The following KDM5A variants were observed in gnomAD, a reference collection of about 807,000 sequenced individuals.
KDM5A encodes the protein lysine demethylase 5A, also known as lysine-specific demethylase 5A.
In KDM5A, 42 loss-of-function variants were observed where a neutral mutation model predicts 193.5. That is an observed-to-expected ratio of 0.22 (90% CI 0.17 to 0.28). The LOEUF (loss-of-function observed/expected upper bound fraction) is 0.28, where lower values mean the gene tolerates loss of function less well. Ranked by LOEUF, KDM5A falls within the 10% of genes least tolerant of loss-of-function variation. The probability of loss-of-function intolerance (pLI) is 1.00; values close to 1 mark genes in which losing one functional copy is unlikely to be tolerated. For missense variants in KDM5A, 1,692 were observed against 2,055.1 expected, an observed-to-expected ratio of 0.82 and a Z score of 3.42; for synonymous variants, 796 against 718.1, an observed-to-expected ratio of 1.11 and a Z score of -1.73.
chr12:323,836 A>C, intron 14 of KDM5A, 55 bp from the exon 15 acceptor site: 1 of 1,455,286 alleles, frequency 6.9e-7, no homozygotes, highest in Non-Finnish European at 9.7e-7. Context: ...AAAGCATCAA[A>C]AAACTTAAGT....
chr12:308,922 T>A (rs867256674), intron 22 of KDM5A, among the ~76,000 whole-genome samples: 53 of 152,330 alleles, frequency 3.5e-4, no homozygotes, highest in African/African-American at 1.1e-3. Flanking sequence ...TCTCATCAAC[T>A]ACAAATATTT....
At chr12:378,393 G>T (rs1944534257) in intron 3 of KDM5A, among the ~76,000 whole-genome samples, 3 of 152,070 alleles carry the variant, frequency 2.0e-5, no homozygotes, top group Admixed American at 2.0e-4. Flanking sequence ...AAGTGGCTGT[G>T]ACTACAGGCG....
At chr12:305,067 T>G (rs1943488425) in intron 24 of KDM5A, among the ~76,000 whole-genome samples, 1 of 152,176 alleles carries the variant, frequency 6.6e-6, no homozygotes, top group Non-Finnish European at 1.5e-5. Flanking sequence ...TATAAGCTAG[T>G]GTACCTTTCA....
intron 4 of KDM5A, among the ~76,000 whole-genome samples, chr12:363,595 C>G (rs1944317977): frequency 6.6e-6 from 1 of 152,102 alleles, no homozygotes; most frequent in Non-Finnish European, 1.5e-5. Flanking sequence ...AATAAACTTA[C>G]ATCTTCACCT....
Position 281,611 on chromosome 12 carries a change from C to T in KDM5A, c.*3845G>A, listed in dbSNP as rs549482998. The T allele has an allele frequency of 4.3e-6, 1 of 233,840 alleles. No homozygotes were observed. Among genetic ancestry groups the T allele is most frequent in the Non-Finnish European group, 8.4e-6 (1 of 118,444 alleles). The allele number at this position is 233,840 out of a possible 1,614,324, so 14.5% of individuals were successfully genotyped here. A position where few individuals can be genotyped will look rare whatever the true frequency, so the allele number is the denominator to read the frequency against. On this transcript the variant is annotated 3_prime_UTR_variant, in exon 28 of 28. Transcript: ENST00000399788. ...AGCAACCTTCTACACACATATGGAG[C>T]TAATTCACATGTGAAGCTTTATTAA... is the stretch of plus-strand genomic sequence containing the variant.
intron 1 of KDM5A, among the ~76,000 whole-genome samples, chr12:386,682 A>G (rs1451808685): frequency 6.6e-6 from 1 of 152,220 alleles, no homozygotes; most frequent in Non-Finnish European, 1.5e-5. Context: ...CCCTATCTCT[A>G]TAAAAGAAAA....
Position 352,212 on chromosome 12 carries a change from G to T in KDM5A, c.1142C>A (p.Pro381Gln). Residue 381 changes from proline (P) to glutamine (Q), a missense_variant, in exon 9 of 28, where the codon CCA becomes CAA. Physicochemically the swap from Pro to Gln is moderately conservative, Grantham distance 76 (BLOSUM62 -1). Coordinates refer to ENST00000399788, the MANE Select transcript of KDM5A (RefSeq NM_001042603.3). Reference sequence around the variant, plus strand: ...AAAAGATAGCTTACTCACATGGACTGGCATATTAAAATAATCAGACTTAAA... The same window carrying T: ...AAAAGATAGCTTACTCACATGGACTTGCATATTAAAATAATCAGACTTAAA... Reference protein sequence around the residue: ...DNFKSDYFNMPVHMVPTELVE... With the variant: ...DNFKSDYFNMQVHMVPTELVE... The T allele has an allele frequency of 2.5e-6, 4 of 1,611,942 alleles. No individual in the cohort carries two copies. The highest frequency in any genetic ancestry group is 3.4e-6 in the Non-Finnish European group (4 of 1,178,836).
In KDM5A at chr12:344,235, A is replaced by G. The variant is rs192446318; in HGVS notation, c.1308+6386T>C. Among the ~76,000 whole-genome samples the G allele has an allele frequency of 2.1e-4, 32 of 152,308 alleles. No individual in the cohort carries two copies. In the East Asian group the frequency reaches 3.3e-3, roughly 16 times the overall value. ...TAGAGAAAAAAGAGTAAGAAGAAAC[A>G]AACAAAGCCTCCAATAAATATGGGA... On this transcript the variant is annotated intron_variant, in intron 10 of 27. Transcript: ENST00000399788.
At chr12:367,843 TCCTGTCTCAAGTGAC>T (rs1944376536) in intron 3 of KDM5A, among the ~76,000 whole-genome samples, 1 of 151,404 alleles carries the variant, frequency 6.6e-6, no homozygotes, top group Non-Finnish European at 1.5e-5. Context: ...GCCTGGCTGA[TCCTGTCTCAAGTGAC>T]CCTGTCTCAA....
intron 3 of KDM5A, among the ~76,000 whole-genome samples, chr12:369,469 A>G (rs1944398645): frequency 6.6e-6 from 1 of 152,230 alleles, no homozygotes. Context: ...TAAACAATGA[A>G]CATAATATAT....
rs1337891219 is a variant in KDM5A, at chr12:384,076, G to C, written c.321C>G (p.Ile107Met). Residue 107 changes from isoleucine to methionine, a missense_variant, in exon 3 of 28, where the codon ATC (isoleucine) becomes ATG (methionine). This residue lies in a region of KDM5A where 120 missense variants were observed against 172.0 expected (regional missense o/e 0.70). Coordinates refer to ENST00000399788, the MANE Select transcript of KDM5A (RefSeq NM_001042603.3). ...FWELQGSTLK[I>M]PVVERKILDL... ...CCAGGATTTTTCTCTCTACCACAGG[G>C]ATCTTCAGAGTAGATCCTTGAAGTT... is the stretch of plus-strand genomic sequence containing the variant. 1.2e-6 allele frequency: 2 copies of C among 1,613,276 alleles called. No homozygotes were observed. The highest frequency in any genetic ancestry group is 4.5e-5 in the East Asian group (2 of 44,880).
chr12:281,649 G>A lies in KDM5A; in HGVS notation c.*3807C>T. On this transcript the variant is annotated 3_prime_UTR_variant, in exon 28 of 28. Coordinates refer to ENST00000399788, the MANE Select transcript of KDM5A (RefSeq NM_001042603.3). ...GAAGCTTTATTAAATCTGGTTATATGTGGGACTTCAACAGCTCAATTTTTC... is the reference window on the plus strand; with the variant it reads ...GAAGCTTTATTAAATCTGGTTATATATGGGACTTCAACAGCTCAATTTTTC... 1 of 234,350 alleles carries A rather than the reference G, an allele frequency of 4.3e-6. No individual in the cohort carries two copies. The highest frequency in any genetic ancestry group is 6.0e-5 in the East Asian group (1 of 16,590). 14.5% of individuals were successfully genotyped at this position (234,350 alleles called of 1,614,324 possible). A position where few individuals can be genotyped will look rare whatever the true frequency, so the allele number is the denominator to read the frequency against.
At chr12:330,085 G>GTATA (rs1555132314) in intron 13 of KDM5A, among the ~76,000 whole-genome samples, 2,731 of 139,326 alleles carry the variant, frequency 0.02, 42 homozygotes, top group Middle Eastern at 0.04. Context: ...GTGTGTGTGT[G>GTATA]TATATATATA....
chr12:289,486 T>C (rs1369095120), intron 27 of KDM5A, among the ~76,000 whole-genome samples: 1 of 152,118 alleles, frequency 6.6e-6, no homozygotes. Context: ...TTCTAAAACA[T>C]CTTGAAACTG....
chr12:345,050 C>A (rs948559685), intron 10 of KDM5A, among the ~76,000 whole-genome samples: 7 of 150,382 alleles, frequency 4.7e-5, no homozygotes, highest in Admixed American at 1.3e-4. Context: ...CACACAGGCT[C>A]AAAATAAAGG....
chr12:317,892 GGA>G (rs768595269), intron 19 of KDM5A, among the ~76,000 whole-genome samples: 17 of 152,180 alleles, frequency 1.1e-4, no homozygotes, highest in African/African-American at 3.6e-4. Flanking sequence ...GCCAAAGCAG[GGA>G]GAGAGGAGAA....
At chr12:331,318 A>C (rs1425398491) in intron 13 of KDM5A, among the ~76,000 whole-genome samples, 1 of 152,226 alleles carries the variant, frequency 6.6e-6, no homozygotes, top group Non-Finnish European at 1.5e-5. Context: ...TTAAAACTGC[A>C]ATTACTTTTG....
chr12:360,580 C>G (rs1228936676), intron 5 of KDM5A, among the ~76,000 whole-genome samples: 1 of 152,140 alleles, frequency 6.6e-6, no homozygotes, highest in African/African-American at 2.4e-5. Context: ...AAAGGAGAAT[C>G]TCAGAATTTG....
chr12:286,219 T>G (rs1297136702), intron 27 of KDM5A: 1 of 497,544 alleles, frequency 2.0e-6, no homozygotes, highest in Non-Finnish European at 4.2e-6. Flanking sequence ...TATAAAAAGT[T>G]AGCAAATATC....
Sources: allele counts gnomAD v4.1 joint callset (sites outside exome capture counted in the v4.1 genomes callset), GRCh38; gene constraint gnomAD v4.1.1; regional missense constraint gnomAD v4.1.1; transcripts MANE v1.5; gene names NCBI Gene and HGNC (gene_info 2026-07-23, HGNC 2026-07-21).